NEBL: variants seen among roughly 807,000 people sequenced by gnomAD.
The protein encoded by NEBL is LIM and SH3 protein 2.
In NEBL, 122 loss-of-function variants were observed where a neutral mutation model predicts 140.2. That is an observed-to-expected ratio of 0.87 (90% CI 0.75 to 1.01). The LOEUF is 1.01. Ranked by LOEUF, NEBL falls within the 50% of genes least tolerant of loss-of-function variation. NEBL has a pLI of 0.00. For synonymous variants in NEBL, 436 were observed against 398.9 expected (o/e 1.09, Z -1.11); for missense variants, 1,365 against 1,231.3 (o/e 1.11, Z -1.62).
chr10:21,194,035 C>T (rs962907269), intron 3 of NEBL, among the ~76,000 whole-genome samples: 8 of 152,132 alleles, frequency 5.3e-5, no homozygotes, highest in East Asian at 3.9e-4. Flanking sequence ...AGTACAGTAC[C>T]GTGATCATAG....
intron 7 of NEBL, among the ~76,000 whole-genome samples, chr10:20,860,131 A>G (rs71541567): frequency 2.0e-5 from 3 of 152,098 alleles, no homozygotes; most frequent in African/African-American, 7.2e-5. Flanking sequence ...ATAATCTATG[A>G]TCAGTTAGAA....
At chr10:21,125,988 C>T (rs1218337856) in intron 2 of NEBL, 7 of 1,614,160 alleles carry the variant, frequency 4.3e-6, no homozygotes, top group Admixed American at 1.7e-5. Flanking sequence ...CCTGGATGGG[C>T]GGCTTGTAGA....
chr10:21,155,535 T>G (rs531503218), intron 2 of NEBL, among the ~76,000 whole-genome samples: 21 of 152,306 alleles, frequency 1.4e-4, no homozygotes, highest in Non-Finnish European at 1.5e-4. Context: ...ACATACAGTG[T>G]TTCTCTTTCT....
chr10:21,117,755 G>A (rs1416178702), intron 2 of NEBL, among the ~76,000 whole-genome samples: 1 of 152,084 alleles, frequency 6.6e-6, no homozygotes, highest in African/African-American at 2.4e-5. Context: ...TTTTTCGGCT[G>A]TTCTCTCAAA....
intron 2 of NEBL, among the ~76,000 whole-genome samples, chr10:21,039,099 A>C (rs1303054814): frequency 2.1e-5 from 1 of 46,666 alleles, no homozygotes; most frequent in Non-Finnish European, 4.1e-5. Flanking sequence ...AAATTTGTTT[A>C]AGTCCCTTGT....
chr10:20,945,973 T>A (rs1393823385), intron 4 of NEBL, among the ~76,000 whole-genome samples: 1 of 152,218 alleles, frequency 6.6e-6, no homozygotes, highest in Non-Finnish European at 1.5e-5. Flanking sequence ...TGACAAGTAT[T>A]TCCAGGGATT....
intron 2 of NEBL, among the ~76,000 whole-genome samples, chr10:21,061,418 CAT>C (rs1272552571): frequency 1.4e-5 from 2 of 147,146 alleles, no homozygotes; most frequent in African/African-American, 2.5e-5. Context: ...TGATACGTAT[CAT>C]ATATTGCATG....
intron 26 of NEBL, chr10:20,804,510 C>T (rs142986983): frequency 1.3e-5 from 2 of 152,174 alleles, no homozygotes; most frequent in Non-Finnish European, 2.9e-5. Flanking sequence ...AACCAAGCAC[C>T]GTTCCACTTA....
At chr10:21,018,325 G>C (rs1170650731) in intron 3 of NEBL, among the ~76,000 whole-genome samples, 1 of 152,112 alleles carries the variant, frequency 6.6e-6, no homozygotes, top group Non-Finnish European at 1.5e-5. Context: ...GTGTGTACTT[G>C]TCCAGAATTA....
chr10:21,091,860 G>A (rs1836927758), intron 2 of NEBL, among the ~76,000 whole-genome samples: 1 of 152,110 alleles, frequency 6.6e-6, no homozygotes, highest in African/African-American at 2.4e-5. Flanking sequence ...TTGAACTCCT[G>A]GACTCAAGCA....
intron 9 of NEBL, among the ~76,000 whole-genome samples, chr10:20,856,887 C>T (rs1843133903): frequency 6.6e-6 from 1 of 151,948 alleles, no homozygotes; most frequent in Non-Finnish European, 1.5e-5. Flanking sequence ...TAGGCTGGAG[C>T]ACATTGGTGC....
intron 16 of NEBL, among the ~76,000 whole-genome samples, chr10:20,829,361 T>C (rs1840183235): frequency 6.8e-6 from 1 of 146,344 alleles, no homozygotes; most frequent in South Asian, 2.1e-4. Flanking sequence ...CTGCATATTC[T>C]CACTCATAGG....
At chr10:20,834,202 T>G (rs568053924) in intron 14 of NEBL, among the ~76,000 whole-genome samples, 4 of 152,254 alleles carry the variant, frequency 2.6e-5, no homozygotes, top group African/African-American at 7.2e-5. Flanking sequence ...ACCACTTAAA[T>G]GGGGTCTGAC....
chr10:20,829,140 T>C (rs984732855), intron 16 of NEBL, among the ~76,000 whole-genome samples: 2 of 152,114 alleles, frequency 1.3e-5, no homozygotes, highest in African/African-American at 4.8e-5. Context: ...AGATAGTAAG[T>C]ATCAGAGCCT....
At chr10:21,215,097 A>C (rs2132239186) in intron 3 of NEBL, among the ~76,000 whole-genome samples, 1 of 152,306 alleles carries the variant, frequency 6.6e-6, no homozygotes, top group Non-Finnish European at 1.5e-5. Flanking sequence ...GAGCGAAATA[A>C]CTAAAATGAA....
chr10:21,065,738 G>C (rs2131890329), intron 2 of NEBL, among the ~76,000 whole-genome samples: 1 of 152,292 alleles, frequency 6.6e-6, no homozygotes, highest in East Asian at 1.9e-4. Context: ...TCCTGCAGCT[G>C]AAAAGCCCCA....
At chr10:21,095,973 A>C (rs1246005321) in intron 2 of NEBL, among the ~76,000 whole-genome samples, 1 of 152,202 alleles carries the variant, frequency 6.6e-6, no homozygotes, top group Non-Finnish European at 1.5e-5. Flanking sequence ...AGTAAAATGA[A>C]AAAGTTAGAC....
intron 2 of NEBL, among the ~76,000 whole-genome samples, chr10:21,103,348 G>C (rs1192543365): frequency 6.6e-6 from 1 of 151,842 alleles, no homozygotes; most frequent in African/African-American, 2.4e-5. Context: ...CCAGTAGCTG[G>C]AACTACAGGC....
chr10:21,208,737 T>A (rs1841869715), intron 3 of NEBL, among the ~76,000 whole-genome samples: 1 of 152,086 alleles, frequency 6.6e-6, no homozygotes, highest in Admixed American at 6.5e-5. Context: ...GGCCTGGAAG[T>A]CACATACATT....
Sources: allele counts gnomAD v4.1 joint callset (sites outside exome capture counted in the v4.1 genomes callset), GRCh38; gene constraint gnomAD v4.1.1; transcripts MANE v1.5; gene names NCBI Gene and HGNC (gene_info 2026-07-23, HGNC 2026-07-21).